Variants in PHIP observed in about 807,000 individuals in gnomAD.
The protein encoded by PHIP is PH-interacting protein.
Under a neutral mutation model 236.8 loss-of-function variants are expected in PHIP, and 54 were observed. That is an observed-to-expected ratio of 0.23 (90% CI 0.18 to 0.29). PHIP has a LOEUF of 0.29. PHIP is among the 10% of genes least tolerant of loss of function. The pLI, the probability that PHIP is intolerant of heterozygous loss-of-function variation, is 1.00. For missense variants in PHIP, 1,370 were observed against 2,190.8 expected (o/e 0.63, Z 7.48); for synonymous variants, 756 against 718.9 (o/e 1.05, Z -0.83).
chr6:78,936,462 TTAAAG>T lies in PHIP; in HGVS notation c.*4226_*4230del, dbSNP rs1773275216. The T allele has an allele frequency of 2.6e-5, 4 of 151,998 alleles. No individual in the cohort carries two copies. The South Asian group carries it at 8.3e-4, about 31-fold the overall frequency. The allele number at this position is 151,998 out of a possible 1,614,324, so 9.4% of individuals were successfully genotyped here. A position where few individuals can be genotyped will look rare whatever the true frequency, so the allele number is the denominator to read the frequency against. On this transcript the variant is annotated 3_prime_UTR_variant, in exon 40 of 40. Coordinates refer to ENST00000275034, the MANE Select transcript of PHIP (RefSeq NM_017934.7). The stretch of plus-strand genomic sequence containing the variant: ...TTGTGACTAATCAACACACACAATC[TTAAAG>T]TAACCAGCATGTGTGCATCTGCCTT...
At chr6:79,054,943 C>CT (rs68181403) in intron 6 of PHIP, among the ~76,000 whole-genome samples, 44,122 of 146,270 alleles carry the variant, frequency 0.3, 6,719 homozygotes, top group Non-Finnish European at 0.35. Context: ...AGATTTAAGA[C>CT]TTTTTTTTTT....
intron 9 of PHIP, among the ~76,000 whole-genome samples, chr6:79,020,521 C>T (rs1425936168): frequency 6.6e-6 from 1 of 152,108 alleles, no homozygotes; most frequent in Non-Finnish European, 1.5e-5. Context: ...TTCATTACTA[C>T]CTTATGGATT....
In PHIP at chr6:79,077,453, TCTGGTAGGTC is replaced by T; in HGVS notation, c.174_183del (p.Thr59IlefsTer3). ...CTGCGACGTGAATGTCTCACCAGAT[TCTGGTAGGTC>T]CTGGGATGCTCCTTCCCGGTCCAGT... On this transcript the variant is annotated frameshift_variant, in exon 4 of 40. Transcript: ENST00000275034. LOFTEE classifies it high-confidence loss of function. The T allele has an allele frequency of 6.2e-7, 1 of 1,601,132 alleles. No individual in the cohort carries two copies. The highest frequency in any genetic ancestry group is 8.5e-7 in the Non-Finnish European group (1 of 1,172,302).
At chr6:79,004,055 C>A (rs1195651175) in intron 15 of PHIP, among the ~76,000 whole-genome samples, 197 bp from the exon 16 acceptor site, 1 of 151,998 alleles carries the variant, frequency 6.6e-6, no homozygotes, top group Non-Finnish European at 1.5e-5. Context: ...ATAAAGTATT[C>A]TATCCACAGA....
chr6:78,951,231 T>C (rs1329709161), intron 35 of PHIP, among the ~76,000 whole-genome samples: 2 of 152,202 alleles, frequency 1.3e-5, no homozygotes, highest in African/African-American at 4.8e-5. Context: ...TTGGTTAATG[T>C]AAATTTTATT....
chr6:78,985,334 TA>T lies in PHIP; in HGVS notation c.2537+17del. The T allele has an allele frequency of 7.2e-7, 1 of 1,392,056 alleles. No homozygotes were observed. Among genetic ancestry groups the T allele is most frequent in the Non-Finnish European group, 1.0e-6 (1 of 985,522 alleles). 86.2% of individuals were successfully genotyped at this position (1,392,056 alleles called of 1,614,324 possible). A position where few individuals can be genotyped will look rare whatever the true frequency, so the allele number is the denominator to read the frequency against. On this transcript the variant is annotated intron_variant, in intron 22 of 39. Transcript: ENST00000275034. ...AGACTTTATATAACATTTGGAAAAA[TA>T]AAAAGCATTCATTTACCTAGAACTG...
intron 7 of PHIP, among the ~76,000 whole-genome samples, chr6:79,036,280 C>T (rs1315502090): frequency 6.6e-6 from 1 of 152,166 alleles, no homozygotes; most frequent in Non-Finnish European, 1.5e-5. Flanking sequence ...CTATTGTATA[C>T]ATCCCACCTC....
intron 29 of PHIP, among the ~76,000 whole-genome samples, chr6:78,964,331 C>A (rs1182739241): frequency 6.6e-6 from 1 of 152,156 alleles, no homozygotes; most frequent in Admixed American, 6.5e-5. Flanking sequence ...GTCTACGAGA[C>A]TGGGTTATTT....
rs1332729256 is a variant in PHIP at position 78,969,920 on chromosome 6, A to T, written c.3123-3T>A. ...TAACGTCAGGCATATCATGGTATCT[A>T]ATTACAAACAGAAACAAATTGATTA... On this transcript the variant is annotated splice_polypyrimidine_tract_variant and splice_region_variant and intron_variant, in intron 26 of 39. Coordinates refer to ENST00000275034, the MANE Select transcript of PHIP (RefSeq NM_017934.7). The T allele has an allele frequency of 6.3e-7, 1 of 1,586,026 alleles. No homozygotes were observed. The highest frequency in any genetic ancestry group is 8.6e-7 in the Non-Finnish European group (1 of 1,160,952).
intron 19 of PHIP, among the ~76,000 whole-genome samples, chr6:78,995,882 C>T (rs1769577149): frequency 6.6e-6 from 1 of 152,114 alleles, no homozygotes; most frequent in Non-Finnish European, 1.5e-5. Context: ...TAGGAAGATT[C>T]CCATAGGATG....
chr6:78,989,881 A>G (rs952125318), intron 20 of PHIP, among the ~76,000 whole-genome samples: 2 of 152,204 alleles, frequency 1.3e-5, no homozygotes, highest in East Asian at 3.8e-4. Flanking sequence ...CAATCAAGCA[A>G]AAAACAAGAT....
intron 35 of PHIP, among the ~76,000 whole-genome samples, chr6:78,950,602 T>C (rs1774088370): frequency 6.6e-6 from 1 of 152,208 alleles, no homozygotes; most frequent in Non-Finnish European, 1.5e-5. Flanking sequence ...TCATGTAAGT[T>C]ATCAAATTTA....
intron 4 of PHIP, among the ~76,000 whole-genome samples, chr6:79,065,928 C>A (rs1442744856): frequency 2.6e-5 from 4 of 151,916 alleles, no homozygotes; most frequent in Non-Finnish European, 4.4e-5. Flanking sequence ...TACAGATATA[C>A]ATATGTGATT....
chr6:79,024,373 C>T (rs781356625), intron 9 of PHIP, among the ~76,000 whole-genome samples: 8 of 152,172 alleles, frequency 5.3e-5, no homozygotes, highest in Admixed American at 3.3e-4. Context: ...GAATGACTTT[C>T]CACCCCGAGT....
chr6:78,968,725 T>C (rs1420512134), intron 27 of PHIP, among the ~76,000 whole-genome samples: 1 of 119,736 alleles, frequency 8.4e-6, no homozygotes, highest in Non-Finnish European at 1.9e-5. Flanking sequence ...AATTTTGTTT[T>C]CCCTAAAATT....
At chr6:79,021,197 A>C (rs1255668336) in intron 9 of PHIP, among the ~76,000 whole-genome samples, 2 of 152,148 alleles carry the variant, frequency 1.3e-5, no homozygotes, top group Non-Finnish European at 2.9e-5. Context: ...CCCAGGGTGA[A>C]ATGCAGTGAC....
chr6:79,022,740 A>G (rs1771183517), intron 9 of PHIP, among the ~76,000 whole-genome samples: 1 of 152,190 alleles, frequency 6.6e-6, no homozygotes, highest in African/African-American at 2.4e-5. Context: ...TGGTTCACTT[A>G]GCCACTTAGA....
intron 20 of PHIP, among the ~76,000 whole-genome samples, chr6:78,990,139 T>G (rs1026270670): frequency 3.9e-5 from 6 of 152,280 alleles, no homozygotes; most frequent in Admixed American, 3.9e-4. Flanking sequence ...ATTTTTCCTT[T>G]GTTTCAATAA....
At chr6:79,059,721 A>C (rs1476570543) in intron 6 of PHIP, among the ~76,000 whole-genome samples, 1 of 151,184 alleles carries the variant, frequency 6.6e-6, no homozygotes, top group East Asian at 1.9e-4. Flanking sequence ...GGAAGAAAGA[A>C]GAGTAACATT....
Sources: allele counts gnomAD v4.1 joint callset (sites outside exome capture counted in the v4.1 genomes callset), GRCh38; gene constraint gnomAD v4.1.1; transcripts MANE v1.5; gene names NCBI Gene and HGNC (gene_info 2026-07-23, HGNC 2026-07-21).